Variants in PGM1 observed in about 807,000 individuals in gnomAD.
PGM1 encodes phosphoglucomutase 1.
A neutral mutation model predicts 55.6 loss-of-function variants in PGM1; 52 were observed. The observed-to-expected ratio is 0.94, with a 90% CI of 0.75 to 1.18. PGM1 has a LOEUF of 1.18. PGM1 is among the 50% of genes most tolerant of loss of function. The pLI is 0.00. For missense variants in PGM1, 724 were observed against 729.3 expected, an observed-to-expected ratio of 0.99 and a Z score of 0.08; for synonymous variants, 287 against 271.7, an observed-to-expected ratio of 1.06 and a Z score of -0.55.
At chr1:63,658,048 G>T (rs1263525670) in intron 10 of PGM1, among the ~76,000 whole-genome samples, 1 of 152,210 alleles carries the variant, frequency 6.6e-6, no homozygotes, top group African/African-American at 2.4e-5. Flanking sequence ...ACAATGCCCA[G>T]GTGTATCACC....
chr1:63,642,382 A>G (rs1649540247), intron 7 of PGM1, among the ~76,000 whole-genome samples: 1 of 152,238 alleles, frequency 6.6e-6, no homozygotes, highest in Admixed American at 6.5e-5. Flanking sequence ...TCAGCATTAC[A>G]AACACCAGGG....
chr1:63,613,609 AG>A (rs1420441091), intron 1 of PGM1, among the ~76,000 whole-genome samples: 2 of 151,674 alleles, frequency 1.3e-5, no homozygotes, highest in African/African-American at 4.8e-5. Flanking sequence ...ACCCTAATCC[AG>A]TATGCTCTCA....
intron 7 of PGM1, among the ~76,000 whole-genome samples, chr1:63,647,861 T>C (rs1649697803): frequency 6.6e-6 from 1 of 152,236 alleles, no homozygotes; most frequent in Non-Finnish European, 1.5e-5. Flanking sequence ...AGATCTATTG[T>C]GTTTTCTCTT....
At position 63,631,788 on chromosome 1, in the gene PGM1, C is replaced by T. The variant is rs376357028; in HGVS notation, c.682+6C>T. The T allele has an allele frequency of 1.2e-6, 2 of 1,613,434 alleles. No homozygotes were observed. Among genetic ancestry groups the T allele is most frequent in the African/African-American group, 2.7e-5 (2 of 74,888 alleles). On this transcript the variant is annotated splice_donor_region_variant and intron_variant, in intron 4 of 10. Transcript: ENST00000371084. ...TATTGATGCTATGCATGGAGGTATA[C>T]AATCATTTCTTTTCAATTCCCATCT...
intron 7 of PGM1, among the ~76,000 whole-genome samples, chr1:63,647,256 T>TTATATATATATATATA (rs1649670948): frequency 1.9e-5 from 1 of 51,604 alleles, no homozygotes; most frequent in African/African-American, 3.5e-5. Flanking sequence ...AAATAAAATT[T>TTATATATATATATATA]TACATATATA....
In PGM1 at chr1:63,631,736, T is replaced by C; in HGVS notation, c.636T>C (p.Leu212=). 6.2e-7 allele frequency: 1 copy of C among 1,613,618 alleles called. No individual in the cohort carries two copies. The highest frequency in any genetic ancestry group is 8.5e-7 in the Non-Finnish European group (1 of 1,179,562). Residue 212 remains leucine, a synonymous_variant, in exon 4 of 11, where the codon CTT becomes CTC. Transcript: ENST00000371084. ...ATTTCAGTGCACTGAAAGAACTACTTTCTGGGCCAAACCGACTGAAGATCC... is the reference window on the plus strand; with the variant it reads ...ATTTCAGTGCACTGAAAGAACTACTCTCTGGGCCAAACCGACTGAAGATCC... ...IFDFSALKEL[L]SGPNRLKIRI... is the part of the protein sequence containing the mutation.
chr1:63,632,873 A>G lies in PGM1; in HGVS notation c.682+1091A>G, dbSNP rs1163995988. Among the ~76,000 whole-genome samples, 3 of 152,260 alleles carry G rather than the reference A, an allele frequency of 2.0e-5. No individual in the cohort carries two copies. The East Asian group carries it at 5.8e-4, about 29-fold the overall frequency. On this transcript the variant is annotated intron_variant, in intron 4 of 10. Coordinates refer to ENST00000371084, the MANE Select transcript of PGM1 (RefSeq NM_002633.3). ...AAAAGTCTCTATAAAAATACAAAAAATTAGTCGGGTGTGGTGGCACATGCC... is the reference window on the plus strand; with the variant it reads ...AAAAGTCTCTATAAAAATACAAAAAGTTAGTCGGGTGTGGTGGCACATGCC...
rs58522038 is a variant in PGM1, at chr1:63,660,023, G to A, written c.*348G>A. On this transcript the variant is annotated 3_prime_UTR_variant, in exon 11 of 11. Coordinates refer to ENST00000371084, the MANE Select transcript of PGM1 (RefSeq NM_002633.3). ...GAGTGAGGCCATTCTTCATCCTTAG[G>A]ATGTGGCAATGAAATGATGGTGCAA... is the stretch of plus-strand genomic sequence containing the variant. 41 of 359,820 alleles carry A rather than the reference G, an allele frequency of 1.1e-4. No individual in the cohort carries two copies. The East Asian group carries it at 2.3e-3, about 20-fold the overall frequency. 22.3% of individuals were successfully genotyped at this position (359,820 alleles called of 1,614,324 possible). A position where few individuals can be genotyped will look rare whatever the true frequency, so the allele number is the denominator to read the frequency against.
intron 1 of PGM1, among the ~76,000 whole-genome samples, chr1:63,618,652 C>A (rs935435516): frequency 6.6e-6 from 1 of 152,114 alleles, no homozygotes; most frequent in Non-Finnish European, 1.5e-5. Context: ...ACTTAAAAAA[C>A]CATTCTCTCA....
chr1:63,631,645 TTGTTCTCACAG>T lies in PGM1; in HGVS notation c.557-9_558del. Reference sequence around the variant, plus strand: ...TAATCCTTCCATCTTTTGATGTTGCTTGTTCTCACAGTGGAAATTGTGGATTCGGTAGAAGC... The same window carrying T: ...TAATCCTTCCATCTTTTGATGTTGCTTGGAAATTGTGGATTCGGTAGAAGC... On this transcript the variant is annotated splice_acceptor_variant and splice_polypyrimidine_tract_variant and intron_variant, in intron 3 of 10. Coordinates refer to ENST00000371084, the MANE Select transcript of PGM1 (RefSeq NM_002633.3). LOFTEE classifies it high-confidence loss of function. 6.2e-7 allele frequency: 1 copy of T among 1,612,172 alleles called. No homozygotes were observed. The highest frequency in any genetic ancestry group is 8.5e-7 in the Non-Finnish European group (1 of 1,178,322).
intron 1 of PGM1, among the ~76,000 whole-genome samples, chr1:63,625,463 G>A (rs898360669): frequency 4.6e-5 from 7 of 152,116 alleles, no homozygotes; most frequent in Non-Finnish European, 8.8e-5. Context: ...CACTTCAATC[G>A]GATGCGCTTT....
intron 1 of PGM1, among the ~76,000 whole-genome samples, chr1:63,611,480 C>G (rs1648563693): frequency 6.6e-6 from 1 of 152,134 alleles, no homozygotes; most frequent in Admixed American, 6.5e-5. Context: ...AGGTCCTTAA[C>G]CCCTGAGGCT....
intron 9 of PGM1, among the ~76,000 whole-genome samples, chr1:63,652,785 G>A (rs896751052): frequency 6.6e-6 from 1 of 152,176 alleles, no homozygotes; most frequent in Non-Finnish European, 1.5e-5. Flanking sequence ...GGATGGATGG[G>A]CCACAGCAAC....
At chr1:63,612,171 C>T (rs1469865680) in intron 1 of PGM1, among the ~76,000 whole-genome samples, 2 of 151,548 alleles carry the variant, frequency 1.3e-5, no homozygotes, top group Non-Finnish European at 2.9e-5. Context: ...GCAGGAGAAT[C>T]GTTTGAACCT....
intron 7 of PGM1, among the ~76,000 whole-genome samples, chr1:63,641,721 A>G (rs920438618): frequency 5.9e-5 from 9 of 152,232 alleles, no homozygotes; most frequent in Middle Eastern, 3.4e-3. Flanking sequence ...TGATTTTACA[A>G]TTACTTATGG....
Position 63,593,623 on chromosome 1 carries a change from C to A in PGM1, c.135C>A (p.Ser45=). 1 of 1,612,724 alleles carries A rather than the reference C, an allele frequency of 6.2e-7. No individual in the cohort carries two copies. Among genetic ancestry groups the A allele is most frequent in the Non-Finnish European group, 8.5e-7 (1 of 1,179,602 alleles). Residue 45 remains serine (S), a synonymous_variant, in exon 1 of 11, where the codon TCC becomes TCA. Coordinates refer to ENST00000371084, the MANE Select transcript of PGM1 (RefSeq NM_002633.3). ...AGAACTTCATCCAGAGTATCATCTC[C>A]ACCGTGGAGCCGGCGCAGCGGCAGG... The part of the protein sequence containing the change: ...YAENFIQSII[S]TVEPAQRQEA...
At chr1:63,624,095 T>C (rs1648959717) in intron 1 of PGM1, among the ~76,000 whole-genome samples, 1 of 152,214 alleles carries the variant, frequency 6.6e-6, no homozygotes, top group South Asian at 2.1e-4. Context: ...AGGGGCACCC[T>C]GTCCTGTGTA....
At chr1:63,630,132 G>C (rs777042308) in intron 3 of PGM1, 44 bp downstream of exon 3, 30 of 1,597,044 alleles carry the variant, frequency 1.9e-5, no homozygotes, top group Non-Finnish European at 2.5e-5. Flanking sequence ...CTATTTCCAA[G>C]TTGAGCGATT....
At chr1:63,649,534 T>C (rs1298581260) in intron 8 of PGM1, among the ~76,000 whole-genome samples, 1 of 152,234 alleles carries the variant, frequency 6.6e-6, no homozygotes, top group Non-Finnish European at 1.5e-5. Flanking sequence ...AGGTGTAATT[T>C]CTCTGGACCT....
Sources: allele counts gnomAD v4.1 joint callset (sites outside exome capture counted in the v4.1 genomes callset), GRCh38; gene constraint gnomAD v4.1.1; transcripts MANE v1.5; gene names NCBI Gene and HGNC (gene_info 2026-07-23, HGNC 2026-07-21).